The following SDSL variants were observed in gnomAD, a reference collection of about 807,000 sequenced individuals.
The protein encoded by SDSL is serine dehydratase-like.
SDSL carries 26 observed loss-of-function variants against 27.6 expected under a neutral mutation model. That is an observed-to-expected ratio of 0.94 (90% CI 0.69 to 1.31). The LOEUF (loss-of-function observed/expected upper bound fraction) is 1.31. Among genes scored for constraint, SDSL ranks in the 50% most tolerant of loss-of-function variants. The probability of loss-of-function intolerance (pLI) is 0.00; values close to 1 mark genes in which losing one functional copy is unlikely to be tolerated. For synonymous variants in SDSL, 196 were observed against 180.6 expected (o/e 1.09, Z -0.69); for missense variants, 431 against 423.5 (o/e 1.02, Z -0.16).
At chr12:113,437,781 C>T (rs189115476) in intron 7 of SDSL, 105 bp from the exon 8 acceptor site, 10 of 1,028,832 alleles carry the variant, frequency 9.7e-6, no homozygotes, top group Admixed American at 7.2e-5. Flanking sequence ...GAATGGCTGA[C>T]TGGCTGGAGA....
chr12:113,436,885 C>A lies in SDSL; in HGVS notation c.796+10C>A. ...GTGCAGCAGCTCCTGGGTGAGTGAT[C>A]CCTGTCCTCCACCTGGGCTCAGAGA... is the stretch of plus-strand genomic sequence containing the variant. On this transcript the variant is annotated intron_variant, in intron 7 of 7. Transcript: ENST00000403593. 1.9e-6 allele frequency: 3 copies of A among 1,571,454 alleles called. No individual in the cohort carries two copies. Among genetic ancestry groups the A allele is most frequent in the Admixed American group, 1.8e-5 (1 of 54,580 alleles).
At chr12:113,427,860 G>A (rs1286530772) in intron 1 of SDSL, 102 bp from the exon 2 acceptor site, 2 of 1,010,736 alleles carry the variant, frequency 2.0e-6, no homozygotes, top group East Asian at 2.6e-5. Flanking sequence ...ATGAAGTGAA[G>A]GGCACCTAAG....
chr12:113,429,324 C>T lies in SDSL; in HGVS notation c.354+25C>T, dbSNP rs776187236. 1.9e-6 allele frequency: 3 copies of T among 1,591,814 alleles called. No homozygotes were observed. In the South Asian group the frequency reaches 3.3e-5, roughly 18 times the overall value. On this transcript the variant is annotated intron_variant, in intron 4 of 7. Coordinates refer to ENST00000403593, the MANE Select transcript of SDSL (RefSeq NM_001304993.2). ...GGTAAGGGCTCTGGGAAGGGGAGAA[C>T]CATCTGGGTGGGCTGCTCTCCTTCA...
intron 5 of SDSL, 74 bp from the exon 6 acceptor site, chr12:113,435,255 T>C (rs2136960045): frequency 9.6e-7 from 1 of 1,038,372 alleles, no homozygotes; most frequent in East Asian, 2.7e-5. Context: ...CCCTGGTAAA[T>C]TCCCCCACCA....
chr12:113,423,892 G>A (rs1281413312), intron 1 of SDSL, among the ~76,000 whole-genome samples: 1 of 152,114 alleles, frequency 6.6e-6, no homozygotes. Context: ...ACCCAACATG[G>A]GTGCCCTTAC....
chr12:113,428,394 G>C, intron 2 of SDSL, 26 bp from the exon 3 acceptor site: 1 of 1,606,964 alleles, frequency 6.2e-7, no homozygotes, highest in Non-Finnish European at 8.5e-7. Flanking sequence ...TGGGTTAGCC[G>C]CTAACCCCAT....
intron 4 of SDSL, among the ~76,000 whole-genome samples, chr12:113,432,296 C>T (rs1205505147): frequency 4.1e-5 from 6 of 145,606 alleles, no homozygotes; most frequent in African/African-American, 1.6e-4. Context: ...TTCTTTCTCT[C>T]TCTCTCTTTC....
At chr12:113,426,539 G>A in intron 1 of SDSL, among the ~76,000 whole-genome samples, 1 of 152,156 alleles carries the variant, frequency 6.6e-6, no homozygotes, top group Non-Finnish European at 1.5e-5. Flanking sequence ...TAGCCTCAGT[G>A]AGGTATAATT....
chr12:113,426,673 C>T (rs1039467190), intron 1 of SDSL, among the ~76,000 whole-genome samples: 4 of 152,264 alleles, frequency 2.6e-5, no homozygotes, highest in East Asian at 1.9e-4. Flanking sequence ...TGCAGTGACT[C>T]GCGCCTGTAA....
At position 113,437,898 on chromosome 12, in the gene SDSL, T is replaced by C. The variant is rs752764739; in HGVS notation, c.809T>C (p.Met270Thr). 7 of 1,607,544 alleles carry C rather than the reference T, an allele frequency of 4.4e-6. No individual in the cohort carries two copies. The Admixed American group carries it at 8.5e-5, about 20-fold the overall frequency. The change falls in exon 8 of 8, where the codon ATG (methionine) becomes ACG (threonine). Residue 270 changes from methionine (M) to threonine (T), a missense_variant. By Grantham distance (81) the Met-to-Thr change is moderately conservative (BLOSUM62 -1). Transcript: ENST00000403593. The part of the protein sequence containing the change: ...AVQQLLDDER[M>T]LVEPACGAAL... The stretch of plus-strand genomic sequence containing the variant: ...CCGATCCTGGCAGATGATGAGCGTA[T>C]GCTGGTGGAGCCTGCCTGTGGGGCA...
Position 113,424,264 on chromosome 12 carries a change from C to T in SDSL, c.-22+1787C>T, listed in dbSNP as rs149747344. On this transcript the variant is annotated intron_variant, in intron 1 of 7. Transcript: ENST00000403593. ...CTTGAACTCTTGACCTCAGGTGATCCGCCTGCCTCTGCCTCACAAAGTGCT... is the reference window on the plus strand; with the variant it reads ...CTTGAACTCTTGACCTCAGGTGATCTGCCTGCCTCTGCCTCACAAAGTGCT... 1.9e-3 allele frequency among the ~76,000 whole-genome samples: 286 copies of T among 152,172 alleles called. 1 individual carries two copies. Among genetic ancestry groups the T allele is most frequent in the African/African-American group, 6.4e-3 (267 of 41,512 alleles).
chr12:113,425,916 G>C (rs1957844100), intron 1 of SDSL: 1 of 371,966 alleles, frequency 2.7e-6, no homozygotes, highest in Non-Finnish European at 5.3e-6. Flanking sequence ...TTGAACCCGG[G>C]AGGCAGAGGG....
At position 113,438,105 on chromosome 12, in the gene SDSL, C is replaced by G. The variant is rs1335311328; in HGVS notation, c.*26C>G. On this transcript the variant is annotated 3_prime_UTR_variant, in exon 8 of 8. Transcript: ENST00000403593. Reference sequence around the variant, plus strand: ...GGGGTCCCATCCTGGCCCCAAAGACCCCTGAGAGGCCCATGGACAGTCCTG... The same window carrying G: ...GGGGTCCCATCCTGGCCCCAAAGACGCCTGAGAGGCCCATGGACAGTCCTG... 2.5e-6 allele frequency: 4 copies of G among 1,582,830 alleles called. No individual in the cohort carries two copies. The African/African-American group carries it at 5.4e-5, about 21-fold the overall frequency.
Position 113,435,377 on chromosome 12 carries a change from C to T in SDSL, c.492C>T (p.Thr164=). ...LVQELKAVLR[T]PPGALVLAVG... is the part of the protein sequence containing the mutation. ...AGGAGCTGAAAGCAGTGCTGAGGAC[C>T]CCACCAGGTGCCCTGGTGCTGGCAG... The change falls in exon 6 of 8, where the codon ACC becomes ACT. Residue 164 remains threonine, a synonymous_variant. Coordinates refer to ENST00000403593, the MANE Select transcript of SDSL (RefSeq NM_001304993.2). The T allele has an allele frequency of 1.9e-6, 3 of 1,600,658 alleles. No homozygotes were observed. Among genetic ancestry groups the T allele is most frequent in the Non-Finnish European group, 2.6e-6 (3 of 1,173,918 alleles).
chr12:113,427,761 C>A (rs1344895226), intron 1 of SDSL, among the ~76,000 whole-genome samples: 3 of 152,204 alleles, frequency 2.0e-5, no homozygotes, highest in East Asian at 1.9e-4. Context: ...AATGAAAGGA[C>A]CCCAGGCCAA....
At position 113,428,167 on chromosome 12, in the gene SDSL, G is replaced by T; in HGVS notation, c.174+11G>T. 6.2e-7 allele frequency: 1 copy of T among 1,601,906 alleles called. No individual in the cohort carries two copies. Among genetic ancestry groups the T allele is most frequent in the Non-Finnish European group, 8.5e-7 (1 of 1,173,404 alleles). ...CATTTCTGCCAGGAGGTGAGGGTGT[G>T]TGGGAAGGAGGGGAGAAGTGAGGTT... On this transcript the variant is annotated intron_variant, in intron 2 of 7. Coordinates refer to ENST00000403593, the MANE Select transcript of SDSL (RefSeq NM_001304993.2).
At chr12:113,428,274 G>T in intron 2 of SDSL, 118 bp downstream of exon 2, 18 of 1,308,646 alleles carry the variant, frequency 1.4e-5, no homozygotes, top group Non-Finnish European at 1.8e-5. Flanking sequence ...GTGCAGATGG[G>T]AGGGGAAAGG....
chr12:113,437,029 G>A (rs1958005639), intron 7 of SDSL, 154 bp downstream of exon 7: 1 of 663,736 alleles, frequency 1.5e-6, no homozygotes. Flanking sequence ...GTAGATGGAA[G>A]GGGGTGAGGA....
intron 6 of SDSL, among the ~76,000 whole-genome samples, chr12:113,436,248 C>G (rs992433086): frequency 6.6e-6 from 1 of 151,642 alleles, no homozygotes; most frequent in African/African-American, 2.4e-5. Flanking sequence ...TGCAAAGACT[C>G]TATTTCCGAG....
Sources: gnomAD v4.1 joint callset for allele counts (sites outside exome capture counted in the v4.1 genomes callset) on GRCh38, gnomAD v4.1.1 for gene constraint, MANE v1.5 for transcripts, NCBI Gene and HGNC (gene_info 2026-07-23, HGNC 2026-07-21) for gene names.